DST: variants seen among roughly 807,000 people sequenced by gnomAD.
DST encodes the protein dystonin.
Under a neutral mutation model 875.2 loss-of-function variants are expected in DST, and 253 were observed. That is an observed-to-expected ratio of 0.29 (90% CI 0.26 to 0.32). DST has a LOEUF of 0.32. Among genes scored for constraint, DST ranks in the 10% least tolerant of loss-of-function variants. The pLI, the probability that DST is intolerant of heterozygous loss-of-function variation, is 1.00. For synonymous variants in DST, 3,124 were observed against 3,197.1 expected, an observed-to-expected ratio of 0.98 and a Z score of 0.77; for missense variants, 8,287 against 9,111.6, an observed-to-expected ratio of 0.91 and a Z score of 3.68.
At position 56,607,859 on chromosome 6, in the gene DST, A is replaced by C. The variant is rs750240817; in HGVS notation, c.6769T>G (p.Ser2257Ala). 1.9e-6 allele frequency: 3 copies of C among 1,613,532 alleles called. No homozygotes were observed. The South Asian group carries it at 3.3e-5, about 18-fold the overall frequency. ...IKECLDVLSS[S>A]GVFLNNASGR... Reference sequence around the variant, plus strand: ...GAAGCATTATTAAGAAATACACCAGATGAGCTTAAGACATCGAGACATTCT... The same window carrying C: ...GAAGCATTATTAAGAAATACACCAGCTGAGCTTAAGACATCGAGACATTCT... Residue 2257 changes from serine to alanine, a missense_variant, in exon 40 of 104, where the codon TCT becomes GCT. Physicochemically the swap from Ser to Ala is moderately conservative, Grantham distance 99. Around this residue, in one of 10 missense-constraint regions of DST, gnomAD observed 3,138 missense variants for 3,116.6 expected, o/e 1.01. Transcript: ENST00000680361.
In DST at chr6:56,553,394, T is replaced by C. The variant is rs758523476; in HGVS notation, c.15398A>G (p.Lys5133Arg). Residue 5133 changes from lysine (K) to arginine (R), a missense_variant, in exon 61 of 104, where the codon AAG (lysine) becomes AGG (arginine). Physicochemically the swap from Lys to Arg is conservative, Grantham distance 26. Transcript: ENST00000680361. ...ATTAAGCTGTAACTGTAAGGCTGCC[T>C]TCTCAGACCCTTGTGTTTTTAATAA... ...NLLLKTQGSE[K>R]AALQLQLNTI... 26 of 1,600,240 alleles carry C rather than the reference T, an allele frequency of 1.6e-5. No individual in the cohort carries two copies. Among genetic ancestry groups the C allele is most frequent in the Non-Finnish European group, 2.2e-5 (26 of 1,175,144 alleles).
chr6:56,509,675 A>T lies in DST; in HGVS notation c.18979T>A (p.Ser6327Thr). The T allele has an allele frequency of 6.2e-7, 1 of 1,613,632 alleles. No homozygotes were observed. Among genetic ancestry groups the T allele is most frequent in the Admixed American group, 1.7e-5 (1 of 60,006 alleles). Residue 6327 changes from serine (S) to threonine (T), a missense_variant, in exon 74 of 104, where the codon TCT (serine) becomes ACT (threonine). This residue lies in a region of DST where 1,292 missense variants were observed against 1,552.7 expected (regional missense o/e 0.83). Transcript: ENST00000680361. ...KQRGEEMIAR[S>T]GGTDKDISAK... is the part of the protein sequence containing the mutation. ...GATATGTCTTTATCAGTCCCCCCAG[A>T]TCTAGCAATCATTTCCTCTCCCCTC...
intron 4 of DST, among the ~76,000 whole-genome samples, chr6:56,799,379 T>C (rs1270329458): frequency 2.0e-5 from 3 of 150,624 alleles, no homozygotes; most frequent in Non-Finnish European, 3.0e-5. Flanking sequence ...TTAAATCACA[T>C]ACTATAGCTA....
chr6:56,667,007 A>C (rs2099075591), intron 10 of DST, among the ~76,000 whole-genome samples: 1 of 152,164 alleles, frequency 6.6e-6, no homozygotes, highest in African/African-American at 2.4e-5. Context: ...ATTAAAAAAA[A>C]AAACTCCAAA....
At position 56,458,378 on chromosome 6, in the gene DST, T is replaced by C. The variant is rs1281918579; in HGVS notation, c.*627A>G. 6.6e-6 allele frequency: 1 copy of C among 152,386 alleles called. No homozygotes were observed. Among genetic ancestry groups the C allele is most frequent in the Non-Finnish European group, 1.5e-5 (1 of 68,042 alleles). 9.4% of individuals were successfully genotyped at this position (152,386 alleles called of 1,614,324 possible). The stretch of plus-strand genomic sequence containing the variant: ...TGTATATGAACGCACTTTATACTTA[T>C]ATTCTTACAGTATAATAGGTCTAAT... On this transcript the variant is annotated 3_prime_UTR_variant, in exon 104 of 104. Transcript: ENST00000680361.
Position 56,459,218 on chromosome 6 carries a change from A to G in DST, c.23244T>C (p.Ala7748=), listed in dbSNP as rs1317698562. 6 of 1,613,354 alleles carry G rather than the reference A, an allele frequency of 3.7e-6. No homozygotes were observed. The highest frequency in any genetic ancestry group is 5.1e-6 in the Non-Finnish European group (6 of 1,179,672). ...CTCGGCGGCTGCTGGCCCTGCTGCC[A>G]GCTTTGCTTCCAGCTCGACTTCCTG... The part of the protein sequence containing the change: ...SRPGSRAGSK[A]GSRASSRRGS... Residue 7748 remains alanine, a synonymous_variant, in exon 104 of 104, where the codon GCT becomes GCC. Coordinates refer to ENST00000680361, the MANE Select transcript of DST (RefSeq NM_001374736.1).
intron 2 of DST, among the ~76,000 whole-genome samples, chr6:56,932,333 T>A (rs1810785089): frequency 6.6e-6 from 1 of 152,186 alleles, no homozygotes; most frequent in South Asian, 2.1e-4. Context: ...GAACTTTAAA[T>A]CCAATTAAAC....
At chr6:56,893,135 GCTTTTATCC>G (rs1788421183) in intron 3 of DST, among the ~76,000 whole-genome samples, 1 of 152,218 alleles carries the variant, frequency 6.6e-6, no homozygotes, top group South Asian at 2.1e-4. Flanking sequence ...CATACTGTTG[GCTTTTATCC>G]CTCGCCCTCC....
intron 66 of DST, among the ~76,000 whole-genome samples, 189 bp from the exon 67 acceptor site, chr6:56,529,114 G>A (rs1486291942): frequency 6.6e-6 from 1 of 152,144 alleles, no homozygotes; most frequent in East Asian, 1.9e-4. Flanking sequence ...CATGTCCCAT[G>A]TTCATCTACC....
At chr6:56,784,472 A>C (rs563412551) in intron 4 of DST, among the ~76,000 whole-genome samples, 1 of 152,120 alleles carries the variant, frequency 6.6e-6, no homozygotes, top group South Asian at 2.1e-4. Flanking sequence ...CATTTCATTC[A>C]TTTAATCTTC....
At chr6:56,823,694 C>T (rs377603840) in intron 4 of DST, among the ~76,000 whole-genome samples, 1 of 152,146 alleles carries the variant, frequency 6.6e-6, no homozygotes, top group African/African-American at 2.4e-5. Context: ...CAGGGGTGAG[C>T]CACCACACCT....
In DST at chr6:56,723,274, G is replaced by A. The variant is rs2099429291; in HGVS notation, c.687+11954C>T. On this transcript the variant is annotated intron_variant, in intron 5 of 103. Coordinates refer to ENST00000680361, the MANE Select transcript of DST (RefSeq NM_001374736.1). ...TAGAAAATAATTGACCTATAAGAAGGGCTGTGAGGGCTGGGCGTGGTGGCT... is the reference window on the plus strand; with the variant it reads ...TAGAAAATAATTGACCTATAAGAAGAGCTGTGAGGGCTGGGCGTGGTGGCT... 3.9e-5 allele frequency among the ~76,000 whole-genome samples: 6 copies of A among 152,130 alleles called. No homozygotes were observed. In the South Asian group the frequency reaches 1.2e-3, roughly 32 times the overall value.
At chr6:56,850,745 C>A (rs1485285972) in intron 4 of DST, among the ~76,000 whole-genome samples, 8 of 152,372 alleles carry the variant, frequency 5.3e-5, no homozygotes, top group Admixed American at 1.3e-4. Flanking sequence ...GCCATCACTT[C>A]TGGTTCAGCT....
intron 3 of DST, chr6:56,871,776 TAAAAAA>T (rs746142378): frequency 6.3e-5 from 6 of 95,508 alleles, no homozygotes; most frequent in African/African-American, 2.2e-4. Context: ...CAATTAAAAG[TAAAAAA>T]AAAAAAAAAA....
chr6:56,719,253 A>T (rs993634283), intron 5 of DST, among the ~76,000 whole-genome samples: 3 of 152,200 alleles, frequency 2.0e-5, no homozygotes, highest in Non-Finnish European at 4.4e-5. Flanking sequence ...TCTTAAAGGG[A>T]TGTGTAATTT....
intron 3 of DST, among the ~76,000 whole-genome samples, chr6:56,873,511 C>T (rs1778297175): frequency 6.6e-6 from 1 of 151,900 alleles, no homozygotes; most frequent in South Asian, 2.1e-4. Context: ...TATATATATA[C>T]ACAAAGGAAT....
At chr6:56,826,869 T>C (rs543306759) in intron 4 of DST, among the ~76,000 whole-genome samples, 1 of 152,304 alleles carries the variant, frequency 6.6e-6, no homozygotes, top group African/African-American at 2.4e-5. Flanking sequence ...AGCAGCATCC[T>C]TTCTCCAAAG....
At position 56,642,477 on chromosome 6, in the gene DST, T is replaced by C. The variant is rs376124759; in HGVS notation, c.1805A>G (p.Asn602Ser). The C allele has an allele frequency of 2.5e-6, 4 of 1,613,746 alleles. No individual in the cohort carries two copies. The highest frequency in any genetic ancestry group is 3.4e-6 in the Non-Finnish European group (4 of 1,179,740). ...GATGACACTGTCCCTCTGAACTCTG[T>C]TGGCAATCTGTTGCAACATTTCTAA... ...ERLEMLQQIA[N>S]RVQRDSVICE... The change falls in exon 16 of 104, where the codon AAC becomes AGC. Residue 602 changes from asparagine (N) to serine (S), a missense_variant. Asn to Ser is a conservative substitution (Grantham distance 46). Coordinates refer to ENST00000680361, the MANE Select transcript of DST (RefSeq NM_001374736.1).
At chr6:56,493,207 A>G in intron 83 of DST, 118 bp from the exon 84 acceptor site, 1 of 755,422 alleles carries the variant, frequency 1.3e-6, no homozygotes, top group Non-Finnish European at 2.0e-6. Context: ...ATGCATATCT[A>G]TTAATATATT....
Sources: allele counts gnomAD v4.1 joint callset (sites outside exome capture counted in the v4.1 genomes callset), GRCh38; gene constraint gnomAD v4.1.1; regional missense constraint gnomAD v4.1.1; transcripts MANE v1.5; gene names NCBI Gene and HGNC (gene_info 2026-07-23, HGNC 2026-07-21).